The following PLAA variants were observed in gnomAD, a reference collection of about 807,000 sequenced individuals.
The protein encoded by PLAA is phospholipase A2 activating protein.
In PLAA, 48 loss-of-function variants were observed where a neutral mutation model predicts 84.1. The observed-to-expected ratio is 0.57, with a 90% CI of 0.45 to 0.73. The LOEUF (loss-of-function observed/expected upper bound fraction) is 0.73. Ranked by LOEUF, PLAA falls within the 30% of genes least tolerant of loss-of-function variation. The pLI is 0.00. For synonymous variants in PLAA, 392 were observed against 336.6 expected, an observed-to-expected ratio of 1.16 and a Z score of -1.80; for missense variants, 903 against 954.7, an observed-to-expected ratio of 0.95 and a Z score of 0.71.
At position 26,947,150 on chromosome 9, in the gene PLAA, AG is replaced by A; in HGVS notation, c.-106del. On this transcript the variant is annotated 5_prime_UTR_variant, in exon 1 of 14. Coordinates refer to ENST00000397292, the MANE Select transcript of PLAA (RefSeq NM_001031689.3). Reference sequence around the variant, plus strand: ...GCGGCGGGAGAAGAGCCTGCAGGTAAGGGGCGGCCGGAGACCGGAAGAGCCC... The same window carrying A: ...GCGGCGGGAGAAGAGCCTGCAGGTAAGGGCGGCCGGAGACCGGAAGAGCCC... The A allele has an allele frequency of 1.5e-6, 2 of 1,326,914 alleles. No individual in the cohort carries two copies. Among genetic ancestry groups the A allele is most frequent in the South Asian group, 1.6e-5 (1 of 61,628 alleles). 82.2% of individuals were successfully genotyped at this position (1,326,914 alleles called of 1,614,324 possible). A position where few individuals can be genotyped will look rare whatever the true frequency, so the allele number is the denominator to read the frequency against.
At position 26,931,009 on chromosome 9, in the gene PLAA, G is replaced by C. The variant is rs577398162; in HGVS notation, c.344-2601C>G. Among the ~76,000 whole-genome samples, 29 of 152,130 alleles carry C rather than the reference G, an allele frequency of 1.9e-4. 1 individual carries two copies. The South Asian group carries it at 6.0e-3, about 32-fold the overall frequency. On this transcript the variant is annotated intron_variant, in intron 2 of 13. Transcript: ENST00000397292. ...AACAGGACTTCTTGGCAAAAGTGCT[G>C]GTTTGAGGTCTAGAGCAAGAAGTGT...
intron 2 of PLAA, among the ~76,000 whole-genome samples, 185 bp from the exon 3 acceptor site, chr9:26,928,593 C>T (rs545605052): frequency 1.3e-5 from 2 of 152,210 alleles, no homozygotes; most frequent in Admixed American, 6.5e-5. Flanking sequence ...TGCCAGACTG[C>T]CTGGGCGCAA....
Position 26,905,789 on chromosome 9 carries a change from T to C in PLAA, c.2110A>G (p.Thr704Ala). Reference sequence around the variant, plus strand: ...CAAACAGAATAGTTCAGGGCCAATGTAGCCAGAGCAATGTGAATGTTCTTA... The same window carrying C: ...CAAACAGAATAGTTCAGGGCCAATGCAGCCAGAGCAATGTGAATGTTCTTA... Reference protein sequence around the residue: ...SNKNIHIALATLALNYSVCFH... With the variant: ...SNKNIHIALAALALNYSVCFH... Residue 704 changes from threonine (T) to alanine (A), a missense_variant, in exon 14 of 14, where the codon ACA becomes GCA. Transcript: ENST00000397292. 6.2e-7 allele frequency: 1 copy of C among 1,614,218 alleles called. No homozygotes were observed. The highest frequency in any genetic ancestry group is 8.5e-7 in the Non-Finnish European group (1 of 1,180,026).
rs113795178 is a variant in PLAA, at chr9:26,906,397, G to A, written c.1823-321C>T. Reference sequence around the variant, plus strand: ...ACTTTGCTTTTAAAAAATTCTGTAAGACCGAACAATTAAACAGGGAAAGTT... The same window carrying A: ...ACTTTGCTTTTAAAAAATTCTGTAAAACCGAACAATTAAACAGGGAAAGTT... On this transcript the variant is annotated intron_variant, in intron 13 of 13. Transcript: ENST00000397292. Among the ~76,000 whole-genome samples, 501 of 147,096 alleles carry A rather than the reference G, an allele frequency of 3.4e-3. 2 individuals are homozygous for A. Among genetic ancestry groups the A allele is most frequent in the Middle Eastern group, 7.4e-3 (2 of 270 alleles).
chr9:26,920,088 G>GA, intron 8 of PLAA, 139 bp downstream of exon 8: 19 of 626,314 alleles, frequency 3.0e-5, no homozygotes, highest in South Asian at 7.6e-5. Context: ...TCAAGACAGG[G>GA]AAAAAAAAGA....
intron 6 of PLAA, among the ~76,000 whole-genome samples, chr9:26,925,144 T>C (rs1824900771): frequency 6.6e-6 from 1 of 152,252 alleles, no homozygotes; most frequent in Non-Finnish European, 1.5e-5. Context: ...CAATGTCTTA[T>C]AACTTCACAC....
chr9:26,937,785 A>G (rs1825408995), intron 1 of PLAA, among the ~76,000 whole-genome samples: 1 of 152,164 alleles, frequency 6.6e-6, no homozygotes, highest in Admixed American at 6.5e-5. Context: ...CAACTTGAAG[A>G]CAGATTCAAG....
intron 11 of PLAA, among the ~76,000 whole-genome samples, chr9:26,911,612 T>C (rs1287558214): frequency 6.6e-6 from 1 of 152,210 alleles, no homozygotes; most frequent in African/African-American, 2.4e-5. Context: ...TATACTTTTT[T>C]TTACATCTTA....
At chr9:26,933,465 T>A (rs1197263919) in intron 2 of PLAA, among the ~76,000 whole-genome samples, 4 of 150,290 alleles carry the variant, frequency 2.7e-5, no homozygotes, top group African/African-American at 9.8e-5. Flanking sequence ...TAAATTAAAA[T>A]TAAAATTAAA....
intron 12 of PLAA, among the ~76,000 whole-genome samples, chr9:26,908,526 T>C (rs892477882): frequency 2.6e-5 from 4 of 150,992 alleles, no homozygotes; most frequent in Admixed American, 1.3e-4. Context: ...TGCAGTGGCA[T>C]GATCTCGGCT....
chr9:26,919,739 G>C (rs1824695308), intron 8 of PLAA, among the ~76,000 whole-genome samples: 2 of 152,180 alleles, frequency 1.3e-5, no homozygotes, highest in African/African-American at 4.8e-5. Flanking sequence ...TAGGGGATGG[G>C]GGTGAGGATG....
chr9:26,907,688 G>C (rs1824279456), intron 13 of PLAA, 146 bp downstream of exon 13: 1 of 643,634 alleles, frequency 1.6e-6, no homozygotes, highest in Admixed American at 3.4e-5. Flanking sequence ...CAGTAGTGTA[G>C]TGAACCCTTT....
In PLAA at chr9:26,904,377, C is replaced by T. The variant is rs1824166841; in HGVS notation, c.*1134G>A. ...TCTCAAGAAACTGGGTTACCTCAGA[C>T]ACAATAAATTGTGTAATTAATGTGA... On this transcript the variant is annotated 3_prime_UTR_variant, in exon 14 of 14. Coordinates refer to ENST00000397292, the MANE Select transcript of PLAA (RefSeq NM_001031689.3). The T allele has an allele frequency of 6.6e-6, 1 of 152,120 alleles. No individual in the cohort carries two copies. Among genetic ancestry groups the T allele is most frequent in the Non-Finnish European group, 1.5e-5 (1 of 67,992 alleles). The allele number at this position is 152,120 out of a possible 1,614,324, so 9.4% of individuals were successfully genotyped here. A position where few individuals can be genotyped will look rare whatever the true frequency, so the allele number is the denominator to read the frequency against.
At chr9:26,910,533 T>C (rs1824367859) in intron 11 of PLAA, 94 bp from the exon 12 acceptor site, 1 of 868,246 alleles carries the variant, frequency 1.2e-6, no homozygotes, top group Non-Finnish European at 1.8e-6. Context: ...ATTATTGAGA[T>C]ATGCAACTAT....
Position 26,904,891 on chromosome 9 carries a change from C to A in PLAA, c.*620G>T, listed in dbSNP as rs1228983061. 1.3e-5 allele frequency: 2 copies of A among 152,192 alleles called. No individual in the cohort carries two copies. Among genetic ancestry groups the A allele is most frequent in the African/African-American group, 2.4e-5 (1 of 41,426 alleles). The allele number at this position is 152,192 out of a possible 1,614,324, so 9.4% of individuals were successfully genotyped here. ...TAAATTGAGACCTCGTCTGTCTGAA[C>A]TGATACATGACTAACACAGCTTACC... On this transcript the variant is annotated 3_prime_UTR_variant, in exon 14 of 14. Coordinates refer to ENST00000397292, the MANE Select transcript of PLAA (RefSeq NM_001031689.3).
chr9:26,943,346 T>C (rs1825598279), intron 1 of PLAA, among the ~76,000 whole-genome samples: 1 of 152,172 alleles, frequency 6.6e-6, no homozygotes, highest in Admixed American at 6.5e-5. Flanking sequence ...ACAGAACTAT[T>C]TCTGCCTCCC....
chr9:26,907,346 G>A (rs1824268374), intron 13 of PLAA, among the ~76,000 whole-genome samples: 1 of 151,608 alleles, frequency 6.6e-6, no homozygotes, highest in Admixed American at 6.6e-5. Context: ...TGGCTAACGT[G>A]GTGAAACCCC....
rs1702277723 is a variant in PLAA at position 26,904,508 on chromosome 9, C to T, written c.*1003G>A. 6.6e-6 allele frequency: 1 copy of T among 151,990 alleles called. No homozygotes were observed. Among genetic ancestry groups the T allele is most frequent in the South Asian group, 2.1e-4 (1 of 4,816 alleles). 9.4% of individuals were successfully genotyped at this position (151,990 alleles called of 1,614,324 possible). ...TAAGTAGTTAACTCCCTCTTGGCTT[C>T]ACTTTTTTTTTTCTGTTATATGATT... On this transcript the variant is annotated 3_prime_UTR_variant, in exon 14 of 14. Coordinates refer to ENST00000397292, the MANE Select transcript of PLAA (RefSeq NM_001031689.3).
chr9:26,913,400 T>C (rs1458049820), intron 11 of PLAA, among the ~76,000 whole-genome samples: 1 of 152,086 alleles, frequency 6.6e-6, no homozygotes, highest in African/African-American at 2.4e-5. Context: ...CAGGCATAAA[T>C]CACAGAAGCA....
Sources: allele counts gnomAD v4.1 joint callset (sites outside exome capture counted in the v4.1 genomes callset), GRCh38; gene constraint gnomAD v4.1.1; transcripts MANE v1.5; gene names NCBI Gene and HGNC (gene_info 2026-07-23, HGNC 2026-07-21).